YTHDF3: variants seen among roughly 807,000 people sequenced by gnomAD.
The protein encoded by YTHDF3 is YTH domain-containing family protein 3.
Under a neutral mutation model 52.5 loss-of-function variants are expected in YTHDF3, and 9 were observed. That is an observed-to-expected ratio of 0.17 (90% CI 0.10 to 0.30). The LOEUF (loss-of-function observed/expected upper bound fraction) is 0.30. Ranked by LOEUF, YTHDF3 falls within the 10% of genes least tolerant of loss-of-function variation. The probability of loss-of-function intolerance (pLI) is 1.00; values close to 1 mark genes in which losing one functional copy is unlikely to be tolerated. For missense variants in YTHDF3, 534 were observed against 715.0 expected (o/e 0.75, Z 2.89); for synonymous variants, 274 against 243.3 (o/e 1.13, Z -1.18).
rs534620130 is a variant in YTHDF3 at position 63,185,725 on chromosome 8, GTTTA to G, written c.136-417_136-414del. Among the ~76,000 whole-genome samples, 984 of 152,254 alleles carry G rather than the reference GTTTA, an allele frequency of 6.5e-3. 3 individuals are homozygous for G. The highest frequency in any genetic ancestry group is 0.011 in the Non-Finnish European group (732 of 68,004). ...CTCTATTATTCGGCAGAGTTGTCTA[GTTTA>G]TTTAATCCTTGTGTGTAAGTGATTG... On this transcript the variant is annotated intron_variant, in intron 3 of 4. Transcript: ENST00000539294.
intron 2 of YTHDF3, among the ~76,000 whole-genome samples, chr8:63,174,297 A>C (rs1807544045): frequency 1.3e-5 from 2 of 152,234 alleles, no homozygotes; most frequent in Admixed American, 1.3e-4. Context: ...GTGCCACCTC[A>C]TCAAGTATTA....
chr8:63,189,939 TG>T (rs1450457246), intron 4 of YTHDF3, among the ~76,000 whole-genome samples: 2 of 152,124 alleles, frequency 1.3e-5, no homozygotes, highest in Non-Finnish European at 2.9e-5. Flanking sequence ...ATATGAGAAA[TG>T]AGAGAAATGG....
In YTHDF3 at chr8:63,186,775, A is replaced by G. The variant is rs1808535560; in HGVS notation, c.764A>G (p.Lys255Arg). Reference protein sequence around the residue: ...PAKPQPKLKPKGNVGIGGSAV... With the variant: ...PAKPQPKLKPRGNVGIGGSAV... ...AAACCTCAACCGAAACTTAAACCCA[A>G]GGGCAATGTGGGAATTGGGGGTTCT... Residue 255 changes from lysine to arginine, a missense_variant, in exon 4 of 5, where the codon AAG becomes AGG. Coordinates refer to ENST00000539294, the MANE Select transcript of YTHDF3 (RefSeq NM_152758.6). 1.2e-6 allele frequency: 2 copies of G among 1,614,004 alleles called. No individual in the cohort carries two copies. The highest frequency in any genetic ancestry group is 1.7e-6 in the Non-Finnish European group (2 of 1,179,890).
In YTHDF3 at chr8:63,211,033, A is replaced by G. The variant is rs1810343745; in HGVS notation, c.*1327A>G. On this transcript the variant is annotated 3_prime_UTR_variant, in exon 5 of 5. Coordinates refer to ENST00000539294, the MANE Select transcript of YTHDF3 (RefSeq NM_152758.6). ...ACATTAAGGGTGAAAATAGCAATAC[A>G]GTAGATTTGAATACCTTGATGTTTT... The G allele has an allele frequency of 6.6e-6, 1 of 152,584 alleles. No individual in the cohort carries two copies. The highest frequency in any genetic ancestry group is 2.1e-4 in the South Asian group (1 of 4,830). The allele number at this position is 152,584 out of a possible 1,614,324, so 9.5% of individuals were successfully genotyped here.
At chr8:63,192,023 C>T (rs993420605) in intron 4 of YTHDF3, among the ~76,000 whole-genome samples, 38 of 152,036 alleles carry the variant, frequency 2.5e-4, no homozygotes, top group Non-Finnish European at 1.0e-4. Flanking sequence ...TCACTTTTGG[C>T]GGGGGCGTAC....
chr8:63,178,844 C>T lies in YTHDF3; in HGVS notation c.135+3428C>T, dbSNP rs74441379. Among the ~76,000 whole-genome samples, 397 of 152,164 alleles carry T rather than the reference C, an allele frequency of 2.6e-3. 3 individuals are homozygous for T. The highest frequency in any genetic ancestry group is 4.1e-3 in the Admixed American group (62 of 15,288). On this transcript the variant is annotated intron_variant, in intron 3 of 4. Transcript: ENST00000539294. ...AAATGTTTGGACCTTTTAAATAGTG[C>T]TATTATAACAGATTAGTGAAAACTG...
chr8:63,209,523 G>T (rs560190573), intron 4 of YTHDF3, among the ~76,000 whole-genome samples, 160 bp from the exon 5 acceptor site: 54 of 152,198 alleles, frequency 3.5e-4, no homozygotes, highest in Non-Finnish European at 5.3e-4. Flanking sequence ...TCTCACTATG[G>T]TATATAGAGG....
chr8:63,206,263 G>A (rs150804181), intron 4 of YTHDF3, among the ~76,000 whole-genome samples: 55 of 151,972 alleles, frequency 3.6e-4, no homozygotes, highest in African/African-American at 1.3e-3. Flanking sequence ...AGTAGAGACG[G>A]GGTTTGTCAG....
intron 4 of YTHDF3, among the ~76,000 whole-genome samples, chr8:63,201,403 A>G (rs941050887): frequency 1.1e-4 from 17 of 152,348 alleles, no homozygotes; most frequent in African/African-American, 2.9e-4. Flanking sequence ...TGTGTTTTCA[A>G]TTACATAGGA....
In YTHDF3 at chr8:63,186,394, C is replaced by T. The variant is rs1360236329; in HGVS notation, c.383C>T (p.Pro128Leu). 1 of 1,613,964 alleles carries T rather than the reference C, an allele frequency of 6.2e-7. No homozygotes were observed. The highest frequency in any genetic ancestry group is 1.7e-5 in the Admixed American group (1 of 60,018). Reference protein sequence around the residue: ...FLGQHGFNFFPGNADFSTWGT... With the variant: ...FLGQHGFNFFLGNADFSTWGT... Reference sequence around the variant, plus strand: ...GGTCAACATGGATTTAACTTTTTTCCTGGTAATGCTGATTTCTCTACATGG... The same window carrying T: ...GGTCAACATGGATTTAACTTTTTTCTTGGTAATGCTGATTTCTCTACATGG... The change falls in exon 4 of 5, where the codon CCT (proline) becomes CTT (leucine). Residue 128 changes from proline to leucine, a missense_variant. Pro to Leu is a moderately conservative substitution (Grantham distance 98). Transcript: ENST00000539294.
chr8:63,169,315 G>T (rs778157699), intron 1 of YTHDF3, 72 bp from the exon 2 acceptor site: 1 of 1,528,016 alleles, frequency 6.5e-7, no homozygotes, highest in Non-Finnish European at 8.9e-7. Flanking sequence ...CTTTGATAAT[G>T]CCTTTGATTA....
intron 3 of YTHDF3, among the ~76,000 whole-genome samples, chr8:63,178,375 T>TAA (rs895923824): frequency 4.7e-5 from 7 of 147,532 alleles, no homozygotes; most frequent in African/African-American, 2.5e-5. Context: ...ACTTTACTTG[T>TAA]AAAAAAAAAA....
Position 63,187,733 on chromosome 8 carries a change from A to G in YTHDF3, c.1722A>G (p.Glu574=). Residue 574 remains glutamate (E), a synonymous_variant, in exon 4 of 5, where the codon GAA becomes GAG. Transcript: ENST00000539294. Reference sequence around the variant, plus strand: ...ATGAAAAGCGTCAAGAAGAGGAGGAAGCCATGCGTAGGGTAAGAATATAGT... The same window carrying G: ...ATGAAAAGCGTCAAGAAGAGGAGGAGGCCATGCGTAGGGTAAGAATATAGT... ...AHYEKRQEEE[E]AMRRERNRNK... 1 of 1,605,644 alleles carries G rather than the reference A, an allele frequency of 6.2e-7. No homozygotes were observed. The highest frequency in any genetic ancestry group is 8.5e-7 in the Non-Finnish European group (1 of 1,175,944).
intron 4 of YTHDF3, among the ~76,000 whole-genome samples, chr8:63,206,191 ATCC>A (rs1195365200): frequency 6.6e-6 from 1 of 152,022 alleles, no homozygotes; most frequent in Non-Finnish European, 1.5e-5. Flanking sequence ...CTCCTGCCTC[ATCC>A]TCCTGAGTAG....
intron 3 of YTHDF3, among the ~76,000 whole-genome samples, chr8:63,184,514 A>G (rs1356283937): frequency 6.6e-6 from 1 of 152,252 alleles, no homozygotes; most frequent in African/African-American, 2.4e-5. Flanking sequence ...TGGGTATACC[A>G]CAGGTAATTT....
intron 4 of YTHDF3, among the ~76,000 whole-genome samples, chr8:63,200,424 CT>C (rs1040767686): frequency 7.5e-5 from 11 of 146,800 alleles, no homozygotes; most frequent in Non-Finnish European, 1.1e-4. Flanking sequence ...TCTTTTTTTT[CT>C]TTTTTTTTTC....
At chr8:63,200,503 C>T (rs1442097464) in intron 4 of YTHDF3, among the ~76,000 whole-genome samples, 1 of 151,040 alleles carries the variant, frequency 6.6e-6, no homozygotes, top group African/African-American at 2.4e-5. Context: ...AAGCAATTCA[C>T]TCATTGGGTC....
chr8:63,169,132 C>T (rs1807099981), intron 1 of YTHDF3: 5 of 1,436,106 alleles, frequency 3.5e-6, no homozygotes, highest in South Asian at 1.5e-5. Flanking sequence ...GTCTTAGGGG[C>T]CTTAGGACAG....
At position 63,173,202 on chromosome 8, in the gene YTHDF3, T is replaced by A. The variant is rs60671349; in HGVS notation, c.50-2129T>A. 2.0e-3 allele frequency among the ~76,000 whole-genome samples: 254 copies of A among 125,594 alleles called. 4 individuals carry two copies. Among genetic ancestry groups the A allele is most frequent in the African/African-American group, 8.2e-3 (201 of 24,614 alleles). The allele number at this position is 125,594 out of a possible 152,430, so 82.4% of individuals were successfully genotyped here. A position where few individuals can be genotyped will look rare whatever the true frequency, so the allele number is the denominator to read the frequency against. The stretch of plus-strand genomic sequence containing the variant: ...AAAAATAAGAATAACAGGATTATAT[T>A]TATATATATATACAGATAAATTTTA... On this transcript the variant is annotated intron_variant, in intron 2 of 4. Transcript: ENST00000539294.
Sources: allele counts gnomAD v4.1 joint callset (sites outside exome capture counted in the v4.1 genomes callset), GRCh38; gene constraint gnomAD v4.1.1; transcripts MANE v1.5; gene names NCBI Gene and HGNC (gene_info 2026-07-23, HGNC 2026-07-21).